ANKK1: variants seen among roughly 807,000 people sequenced by gnomAD.
ANKK1 encodes the protein ankyrin repeat and kinase domain containing 1, also known as ankyrin repeat and protein kinase domain-containing protein 1.
In ANKK1, 37 loss-of-function variants were observed where a neutral mutation model predicts 37.6. That is an observed-to-expected ratio of 0.98 (90% CI 0.76 to 1.29). The LOEUF is 1.29. Ranked by LOEUF, ANKK1 falls within the 50% of genes most tolerant of loss-of-function variation. The pLI, the probability that ANKK1 is intolerant of heterozygous loss-of-function variation, is 0.00. For synonymous variants in ANKK1, 415 were observed against 418.7 expected, an observed-to-expected ratio of 0.99 and a Z score of 0.11; for missense variants, 1,019 against 990.6, an observed-to-expected ratio of 1.03 and a Z score of -0.39.
chr11:113,389,254 C>A (rs186045677), intron 1 of ANKK1, among the ~76,000 whole-genome samples: 2 of 152,282 alleles, frequency 1.3e-5, no homozygotes, highest in Admixed American at 6.5e-5. Context: ...CTGCCACTTT[C>A]CCTTCCCAAG....
Position 113,393,557 on chromosome 11 carries a change from G to A in ANKK1, c.262G>A (p.Gly88Arg), listed in dbSNP as rs201291015. 3.4e-4 allele frequency: 553 copies of A among 1,613,956 alleles called. No homozygotes were observed. Among genetic ancestry groups the A allele is most frequent in the Non-Finnish European group, 4.4e-4 (515 of 1,179,882 alleles). ...IKFQHIVSIY[G>R]VCKQPLGIVM... Reference sequence around the variant, plus strand: ...GTTTCAGCACATCGTGTCTATCTACGGGGTGTGCAAGCAGCCCCTGGGTAT... The same window carrying A: ...GTTTCAGCACATCGTGTCTATCTACAGGGTGTGCAAGCAGCCCCTGGGTAT... The change falls in exon 2 of 8, where the codon GGG (glycine) becomes AGG (arginine). Residue 88 changes from glycine to arginine, a missense_variant. Gly to Arg is a moderately radical substitution (Grantham distance 125). Transcript: ENST00000303941.
In ANKK1 at chr11:113,396,054, C is replaced by G; in HGVS notation, c.683-13C>G. 6.2e-7 allele frequency: 1 copy of G among 1,613,228 alleles called. No individual in the cohort carries two copies. The highest frequency in any genetic ancestry group is 8.5e-7 in the Non-Finnish European group (1 of 1,179,426). On this transcript the variant is annotated splice_polypyrimidine_tract_variant and intron_variant, in intron 4 of 7. Transcript: ENST00000303941. The stretch of plus-strand genomic sequence containing the variant: ...CCTCTCAGCACCCACATAGCCTGAG[C>G]CTCCCTTTGCAGGGTTCAACATGAT...
In ANKK1 at chr11:113,392,591, C is replaced by T. The variant is rs537608034; in HGVS notation, c.186-890C>T. Among the ~76,000 whole-genome samples the T allele has an allele frequency of 1.7e-4, 26 of 152,318 alleles. No individual in the cohort carries two copies. The South Asian group carries it at 5.4e-3, about 32-fold the overall frequency. On this transcript the variant is annotated intron_variant, in intron 1 of 7. Coordinates refer to ENST00000303941, the MANE Select transcript of ANKK1 (RefSeq NM_178510.2). ...CATTTCTCCTTAATCCCCATCCCTGCAATCCCAAAATAATCTATAACAATT... is the reference window on the plus strand; with the variant it reads ...CATTTCTCCTTAATCCCCATCCCTGTAATCCCAAAATAATCTATAACAATT...
intron 7 of ANKK1, among the ~76,000 whole-genome samples, chr11:113,398,497 ACCACAAGTTTATTTCCAACTTAG>A (rs1340216832): frequency 4.6e-5 from 7 of 152,270 alleles, no homozygotes; most frequent in Admixed American, 3.9e-4. Flanking sequence ...TAGAACTCCA[ACCACAAGTTTATTTCCAACTTAG>A]AATTGCTTAC....
rs752944884 is a variant in ANKK1, at chr11:113,393,448, C to T, written c.186-33C>T. The T allele has an allele frequency of 3.2e-6, 5 of 1,585,118 alleles. No homozygotes were observed. The East Asian group carries it at 9.0e-5, about 28-fold the overall frequency. ...GGTTGCTGTAGTAATGAATGGGTCA[C>T]CCCCTTCCATATCTTGCTCCCCCTC... On this transcript the variant is annotated intron_variant, in intron 1 of 7. Coordinates refer to ENST00000303941, the MANE Select transcript of ANKK1 (RefSeq NM_178510.2).
chr11:113,396,298 G>A (rs977998827), intron 5 of ANKK1, 76 bp downstream of exon 5: 2 of 1,559,224 alleles, frequency 1.3e-6, no homozygotes, highest in Non-Finnish European at 1.7e-6. Flanking sequence ...GGCACTCCTG[G>A]GAGCTATGCA....
chr11:113,387,879 G>GGGGC lies in ANKK1; in HGVS notation c.-5_-2dup. Reference sequence around the variant, plus strand: ...TGCGCGGCGCGGGGACAGGAAGAGAGGGGCAATGGCTGCCGACCCCACCGA... The same window carrying GGGGC: ...TGCGCGGCGCGGGGACAGGAAGAGAGGGGCGGGCAATGGCTGCCGACCCCACCGA... On this transcript the variant is annotated 5_prime_UTR_variant, in exon 1 of 8. Transcript: ENST00000303941. The GGGGC allele has an allele frequency of 6.5e-7, 1 of 1,529,800 alleles. No individual in the cohort carries two copies. Among genetic ancestry groups the GGGGC allele is most frequent in the Non-Finnish European group, 8.8e-7 (1 of 1,139,282 alleles). 94.8% of individuals were successfully genotyped at this position (1,529,800 alleles called of 1,614,324 possible). A position where few individuals can be genotyped will look rare whatever the true frequency, so the allele number is the denominator to read the frequency against.
In ANKK1 at chr11:113,399,590, A is replaced by AG. The variant is rs1451255260; in HGVS notation, c.1624dup (p.Ala542GlyfsTer13). The AG allele has an allele frequency of 2.5e-6, 4 of 1,605,872 alleles. No homozygotes were observed. In the Admixed American group the frequency reaches 6.8e-5, roughly 27 times the overall value. ...CCTGGCAGTAGAGCGGGGCAAAGTG[A>AG]GGGCCATCCAACACCTGCTGAAGAG... On this transcript the variant is annotated frameshift_variant, in exon 8 of 8. Coordinates refer to ENST00000303941, the MANE Select transcript of ANKK1 (RefSeq NM_178510.2). LOFTEE classifies it low-confidence loss of function (END_TRUNC).
At chr11:113,396,364 G>A in intron 5 of ANKK1, 142 bp downstream of exon 5, 1 of 984,076 alleles carries the variant, frequency 1.0e-6, no homozygotes, top group Non-Finnish European at 1.5e-6. Flanking sequence ...TTTTTTCAGA[G>A]ACACGGTCTC....
chr11:113,399,587 G>A lies in ANKK1; in HGVS notation c.1618G>A (p.Val540Met), dbSNP rs753463597. ...PLHLAVERGK[V>M]RAIQHLLKSG... ...GCACCTGGCAGTAGAGCGGGGCAAAGTGAGGGCCATCCAACACCTGCTGAA... is the reference window on the plus strand; with the variant it reads ...GCACCTGGCAGTAGAGCGGGGCAAAATGAGGGCCATCCAACACCTGCTGAA... The change falls in exon 8 of 8, where the codon GTG becomes ATG. Residue 540 changes from valine (V) to methionine (M), a missense_variant. Val to Met is a conservative substitution (Grantham distance 21). Coordinates refer to ENST00000303941, the MANE Select transcript of ANKK1 (RefSeq NM_178510.2). 1 of 1,605,892 alleles carries A rather than the reference G, an allele frequency of 6.2e-7. No homozygotes were observed. The highest frequency in any genetic ancestry group is 8.5e-7 in the Non-Finnish European group (1 of 1,176,482).
At position 113,387,902 on chromosome 11, in the gene ANKK1, C is replaced by G. The variant is rs753308199; in HGVS notation, c.18C>G (p.Thr6=). 38 of 1,555,756 alleles carry G rather than the reference C, an allele frequency of 2.4e-5. No individual in the cohort carries two copies. The African/African-American group carries it at 5.2e-4, about 21-fold the overall frequency. The change falls in exon 1 of 8, where the codon ACC becomes ACG. Residue 6 remains threonine, a synonymous_variant. Transcript: ENST00000303941. The part of the protein sequence containing the change: MAADP[T]ELRLGSLPVF... ...GAGGGGCAATGGCTGCCGACCCCAC[C>G]GAGCTGCGGCTGGGCAGCCTCCCCG...
chr11:113,396,709 T>C (rs1353253560), intron 5 of ANKK1, among the ~76,000 whole-genome samples: 1 of 152,088 alleles, frequency 6.6e-6, no homozygotes, highest in Non-Finnish European at 1.5e-5. Flanking sequence ...CAGGAGTAGC[T>C]GAGGATGGGG....
In ANKK1 at chr11:113,396,101, G is replaced by A. The variant is rs371011304; in HGVS notation, c.717G>A (p.Ala239=). The stretch of plus-strand genomic sequence containing the variant: ...TGATGATGATTATTATCCGAGTGGC[G>A]GCAGGCATGCGGCCCTCCCTACAGC... The part of the protein sequence containing the change: ...FNMMMIIIRV[A]AGMRPSLQPV... The change falls in exon 5 of 8, where the codon GCG becomes GCA. Residue 239 remains alanine (A), a synonymous_variant. Transcript: ENST00000303941. 1.7e-5 allele frequency: 27 copies of A among 1,613,972 alleles called. No individual in the cohort carries two copies. Among genetic ancestry groups the A allele is most frequent in the African/African-American group, 9.3e-5 (7 of 75,038 alleles).
rs1183081194 is a variant in ANKK1 at position 113,394,962 on chromosome 11, C to T, written c.514C>T (p.Gln172Ter). The T allele has an allele frequency of 2.5e-6, 4 of 1,613,108 alleles. No individual in the cohort carries two copies. The African/African-American group carries it at 4.0e-5, about 16-fold the overall frequency. The change falls in exon 3 of 8, where the codon CAG (glutamine) becomes TAG (stop). Residue 172 changes from glutamine to a stop codon, truncating the protein, a stop_gained. Coordinates refer to ENST00000303941, the MANE Select transcript of ANKK1 (RefSeq NM_178510.2). LOFTEE classifies it high-confidence loss of function. ...SDFGLSKWME[Q>*]STRMQYIERS... ...CTTCGGCCTGTCCAAGTGGATGGAA[C>T]AGTCCACCCGGATGCAGTACATCGA... is the stretch of plus-strand genomic sequence containing the variant.
Position 113,399,881 on chromosome 11 carries a change from G to A in ANKK1, c.1912G>A (p.Glu638Lys). 1 of 1,613,304 alleles carries A rather than the reference G, an allele frequency of 6.2e-7. No individual in the cohort carries two copies. The highest frequency in any genetic ancestry group is 8.5e-7 in the Non-Finnish European group (1 of 1,179,804). ...TPLHLAARHG[E>K]EAVVSALLQC... ...CCTGCACCTAGCTGCACGCCACGGG[G>A]AGGAGGCGGTGGTGTCAGCACTGCT... Residue 638 changes from glutamate to lysine, a missense_variant, in exon 8 of 8, where the codon GAG becomes AAG. Physicochemically the swap from Glu to Lys is moderately conservative, Grantham distance 56. Transcript: ENST00000303941.
intron 1 of ANKK1, among the ~76,000 whole-genome samples, chr11:113,389,773 G>A (rs143482544): frequency 6.6e-6 from 1 of 152,326 alleles, no homozygotes; most frequent in East Asian, 1.9e-4. Context: ...GGCATGGTAA[G>A]TACAAAGATG....
chr11:113,398,115 C>T, intron 7 of ANKK1, 99 bp downstream of exon 7: 1 of 1,379,118 alleles, frequency 7.3e-7, no homozygotes, highest in South Asian at 1.2e-5. Context: ...CCCCTCATCC[C>T]CAGGCCTATC....
chr11:113,400,239 C>T lies in ANKK1; in HGVS notation c.2270C>T (p.Ser757Phe). ...KEPSVATLGG[S>F]KPGAEMEI ...CCGTCAGTGGCCACTCTGGGTGGTT[C>T]TAAGCCAGGAGCCGAGATGGAAATT... Residue 757 changes from serine to phenylalanine, a missense_variant, in exon 8 of 8, where the codon TCT becomes TTT. Ser to Phe is a radical substitution (Grantham distance 155). Coordinates refer to ENST00000303941, the MANE Select transcript of ANKK1 (RefSeq NM_178510.2). The T allele has an allele frequency of 6.5e-7, 1 of 1,544,004 alleles. No individual in the cohort carries two copies. Among genetic ancestry groups the T allele is most frequent in the Non-Finnish European group, 8.8e-7 (1 of 1,142,394 alleles).
At chr11:113,395,468 G>A in intron 4 of ANKK1, 60 bp downstream of exon 4, 1 of 1,571,278 alleles carries the variant, frequency 6.4e-7, no homozygotes, top group Non-Finnish European at 8.7e-7. Context: ...TGGGCTCCTG[G>A]AAGGGGCTGT....
Sources: gnomAD v4.1 joint callset for allele counts (sites outside exome capture counted in the v4.1 genomes callset) on GRCh38, gnomAD v4.1.1 for gene constraint, MANE v1.5 for transcripts, NCBI Gene and HGNC (gene_info 2026-07-23, HGNC 2026-07-21) for gene names.